The following TLL2 variants were observed in gnomAD, a reference collection of about 807,000 sequenced individuals.
TLL2 encodes tolloid like 2, also known as tolloid-like protein 2.
In TLL2, 106 loss-of-function variants were observed where a neutral mutation model predicts 123.0. That is an observed-to-expected ratio of 0.86 (90% CI 0.74 to 1.01). TLL2 has a LOEUF of 1.01. Ranked by LOEUF, TLL2 falls within the 50% of genes least tolerant of loss-of-function variation. The pLI, the probability that TLL2 is intolerant of heterozygous loss-of-function variation, is 0.00. For synonymous variants in TLL2, 494 were observed against 516.8 expected (o/e 0.96, Z 0.60); for missense variants, 1,332 against 1,336.7 (o/e 1.00, Z 0.06).
At chr10:96,471,870 T>C (rs998451829) in intron 2 of TLL2, among the ~76,000 whole-genome samples, 5 of 152,040 alleles carry the variant, frequency 3.3e-5, no homozygotes, top group Admixed American at 6.5e-5. Context: ...TGGATCTCAA[T>C]CTGAAAACTG....
intron 3 of TLL2, among the ~76,000 whole-genome samples, chr10:96,445,049 C>T (rs1398245694): frequency 6.6e-6 from 1 of 152,120 alleles, no homozygotes; most frequent in Non-Finnish European, 1.5e-5. Flanking sequence ...ATTAGCCGGG[C>T]ACGGTGGCGG....
intron 2 of TLL2, among the ~76,000 whole-genome samples, chr10:96,449,084 A>G (rs1220935843): frequency 6.6e-6 from 1 of 152,350 alleles, no homozygotes; most frequent in South Asian, 2.1e-4. Context: ...CCATGTGCTA[A>G]GAACAGTGCC....
intron 2 of TLL2, among the ~76,000 whole-genome samples, chr10:96,462,494 C>T (rs1847091221): frequency 2.6e-5 from 4 of 152,264 alleles, no homozygotes; most frequent in South Asian, 2.1e-4. Flanking sequence ...GTTCACTAAA[C>T]TAGTGAACAC....
At chr10:96,403,053 C>G (rs1317976257) in intron 10 of TLL2, among the ~76,000 whole-genome samples, 1 of 152,164 alleles carries the variant, frequency 6.6e-6, no homozygotes, top group Non-Finnish European at 1.5e-5. Flanking sequence ...TAGACTTGTC[C>G]AAGCCAGAGC....
chr10:96,377,812 G>C (rs925284399), intron 17 of TLL2, among the ~76,000 whole-genome samples: 1 of 152,270 alleles, frequency 6.6e-6, no homozygotes, highest in Non-Finnish European at 1.5e-5. Context: ...GGTGCTCAAA[G>C]GGGCAGTGGC....
At chr10:96,400,357 C>CAAAAAAAAAAAAAAAAAAAAAAA (rs55975748) in intron 10 of TLL2, among the ~76,000 whole-genome samples, 1 of 109,894 alleles carries the variant, frequency 9.1e-6, no homozygotes, top group Non-Finnish European at 1.8e-5. Flanking sequence ...CTACTACCAT[C>CAAAAAAAAAAAAAAAAAAAAAAA]AAAAAAAAAA....
rs74409496 is a variant in TLL2 at position 96,415,453 on chromosome 10, T to A, written c.924-2137A>T. On this transcript the variant is annotated intron_variant, in intron 7 of 20. Coordinates refer to ENST00000357947, the MANE Select transcript of TLL2 (RefSeq NM_012465.4). ...CTCTGGGTCTTAATCATTTGTGTAG[T>A]CTCTTCTTATCATACTGTATTGTTT... Among the ~76,000 whole-genome samples the A allele has an allele frequency of 1.2e-3, 180 of 151,990 alleles. 3 individuals carry two copies. The East Asian group carries it at 0.031, about 26-fold the overall frequency.
chr10:96,480,523 T>G, intron 1 of TLL2, 64 bp from the exon 2 acceptor site: 1 of 1,312,008 alleles, frequency 7.6e-7, no homozygotes, highest in Non-Finnish European at 1.1e-6. Flanking sequence ...GATTCACTAA[T>G]GCCCCAAAGG....
chr10:96,417,971 C>G (rs560918367), intron 7 of TLL2, among the ~76,000 whole-genome samples: 1 of 152,356 alleles, frequency 6.6e-6, no homozygotes, highest in South Asian at 2.1e-4. Context: ...TAATGTAACA[C>G]TAGCAGGAGG....
At chr10:96,513,393 G>A in intron 1 of TLL2, 118 bp downstream of exon 1, 2 of 1,270,716 alleles carry the variant, frequency 1.6e-6, no homozygotes, top group Non-Finnish European at 2.2e-6. Flanking sequence ...GGGGAGCCGG[G>A]GATCTCAGGG....
intron 2 of TLL2, among the ~76,000 whole-genome samples, chr10:96,465,228 C>T (rs1420411677): frequency 6.6e-6 from 1 of 152,194 alleles, no homozygotes; most frequent in South Asian, 2.1e-4. Context: ...GAGACAATGT[C>T]GGTAAATAGA....
chr10:96,371,352 AATAG>A (rs979331535), intron 19 of TLL2, among the ~76,000 whole-genome samples: 21 of 152,066 alleles, frequency 1.4e-4, no homozygotes, highest in Admixed American at 3.9e-4. Flanking sequence ...AAATAAATAA[AATAG>A]ATAGATAAGA....
chr10:96,418,334 C>T (rs992968588), intron 7 of TLL2, among the ~76,000 whole-genome samples: 18 of 152,210 alleles, frequency 1.2e-4, no homozygotes, highest in African/African-American at 3.4e-4. Context: ...GTGCCTGGCA[C>T]GGAGCAGGCG....
intron 10 of TLL2, among the ~76,000 whole-genome samples, chr10:96,399,826 G>A (rs1348874696): frequency 1.3e-5 from 2 of 152,184 alleles, no homozygotes; most frequent in African/African-American, 2.4e-5. Flanking sequence ...CCAAAAGAGA[G>A]GGAGACTTTC....
intron 7 of TLL2, among the ~76,000 whole-genome samples, chr10:96,414,913 C>T (rs539538855): frequency 6.6e-6 from 1 of 152,238 alleles, no homozygotes; most frequent in South Asian, 2.1e-4. Flanking sequence ...TCCTTGTTCC[C>T]AGACCATTGC....
Position 96,422,696 on chromosome 10 carries a change from C to A in TLL2, c.670G>T (p.Gly224Cys). Reference protein sequence around the residue: ...CCSYVGRRGGGPQAISIGKNC... With the variant: ...CCSYVGRRGGCPQAISIGKNC... ...TTCCCAATGGATATGGCCTGTGGGC[C>A]TCCTCCTCGGCGCCCAACATAGGAG... The change falls in exon 6 of 21, where the codon GGC becomes TGC. Residue 224 changes from glycine to cysteine, a missense_variant. Gly to Cys is a radical substitution (Grantham distance 159, BLOSUM62 -3). Transcript: ENST00000357947. The A allele has an allele frequency of 6.2e-6, 10 of 1,614,216 alleles. No homozygotes were observed. Among genetic ancestry groups the A allele is most frequent in the Non-Finnish European group, 8.5e-6 (10 of 1,180,036 alleles).
chr10:96,446,735 G>A (rs369273722), intron 2 of TLL2, among the ~76,000 whole-genome samples: 4 of 152,192 alleles, frequency 2.6e-5, no homozygotes, highest in African/African-American at 9.7e-5. Context: ...CTCTGTTTAC[G>A]AAGGACAGTG....
At chr10:96,506,438 G>A (rs1490851241) in intron 1 of TLL2, among the ~76,000 whole-genome samples, 1 of 151,648 alleles carries the variant, frequency 6.6e-6, no homozygotes, top group Non-Finnish European at 1.5e-5. Flanking sequence ...GGAGTGCCCT[G>A]AGAATGGCTG....
chr10:96,449,850 T>C (rs1846937949), intron 2 of TLL2, among the ~76,000 whole-genome samples: 1 of 152,116 alleles, frequency 6.6e-6, no homozygotes, highest in Non-Finnish European at 1.5e-5. Context: ...CAAACCCTAC[T>C]GGTCCTTCAA....
Sources: allele counts gnomAD v4.1 joint callset (sites outside exome capture counted in the v4.1 genomes callset), GRCh38; gene constraint gnomAD v4.1.1; transcripts MANE v1.5; gene names NCBI Gene and HGNC (gene_info 2026-07-23, HGNC 2026-07-21).